Variants in SGCZ observed in about 807,000 individuals in gnomAD.
SGCZ encodes the protein sarcoglycan zeta.
In SGCZ, 40 loss-of-function variants were observed where a neutral mutation model predicts 41.3. The ratio of observed to expected loss-of-function variants is 0.97; its 90% CI spans 0.75 to 1.26. The LOEUF is 1.26. Ranked by LOEUF, SGCZ falls within the 50% of genes most tolerant of loss-of-function variation. The pLI is 0.00. For synonymous variants in SGCZ, 206 were observed against 137.5 expected (o/e 1.50, Z -3.49); for missense variants, 552 against 369.8 (o/e 1.49, Z -4.04).
rs548716281 is a variant in SGCZ at position 15,040,055 on chromosome 8, T to C, written c.39+197530A>G. Among the ~76,000 whole-genome samples, 3 of 152,310 alleles carry C rather than the reference T, an allele frequency of 2.0e-5. No individual in the cohort carries two copies. In the South Asian group the frequency reaches 6.2e-4, roughly 32 times the overall value. ...TTTTGAAAATGCAAACTTAATGTCATACAGATAAAAGGATTTCTCTATTCA... is the reference window on the plus strand; with the variant it reads ...TTTTGAAAATGCAAACTTAATGTCACACAGATAAAAGGATTTCTCTATTCA... On this transcript the variant is annotated intron_variant, in intron 1 of 7. Coordinates refer to ENST00000382080, the MANE Select transcript of SGCZ (RefSeq NM_139167.4).
intron 2 of SGCZ, among the ~76,000 whole-genome samples, chr8:14,371,397 A>G (rs1803904387): frequency 6.6e-6 from 1 of 152,132 alleles, no homozygotes; most frequent in Admixed American, 6.6e-5. Flanking sequence ...TTCCGGTATT[A>G]GCAATAACCT....
At chr8:14,253,813 T>C (rs566878238) in intron 3 of SGCZ, among the ~76,000 whole-genome samples, 191 of 152,210 alleles carry the variant, frequency 1.3e-3, no homozygotes, top group African/African-American at 4.5e-3. Context: ...TAATAAACAT[T>C]AGCAAATATT....
intron 2 of SGCZ, among the ~76,000 whole-genome samples, chr8:14,550,409 G>T (rs1176574410): frequency 6.6e-6 from 1 of 150,772 alleles, no homozygotes; most frequent in African/African-American, 2.4e-5. Flanking sequence ...ATAAATAAAA[G>T]CAGGAAAAGT....
chr8:15,217,578 C>T (rs1485679096), intron 1 of SGCZ, among the ~76,000 whole-genome samples: 2 of 152,114 alleles, frequency 1.3e-5, no homozygotes, highest in East Asian at 3.9e-4. Flanking sequence ...ATTCTTGCCC[C>T]CCCTTGTCCC....
chr8:14,923,084 T>G (rs184989565), intron 1 of SGCZ, among the ~76,000 whole-genome samples: 8 of 152,166 alleles, frequency 5.3e-5, no homozygotes, highest in African/African-American at 1.9e-4. Context: ...AAACTGAAAT[T>G]TTACAGCTAG....
rs145287949 is a variant in SGCZ at position 15,090,596 on chromosome 8, A to G, written c.39+146989T>C. Among the ~76,000 whole-genome samples the G allele has an allele frequency of 2.0e-4, 30 of 152,314 alleles. No homozygotes were observed. In the East Asian group the frequency reaches 4.8e-3, roughly 24 times the overall value. On this transcript the variant is annotated intron_variant, in intron 1 of 7. Coordinates refer to ENST00000382080, the MANE Select transcript of SGCZ (RefSeq NM_139167.4). ...AGGAAGAAACCTATGCTCTCATGTT[A>G]GTAATTAAGATGAAGATTAAGAGCC...
intron 4 of SGCZ, among the ~76,000 whole-genome samples, chr8:14,221,052 T>C (rs895199791): frequency 6.6e-6 from 1 of 151,440 alleles, no homozygotes; most frequent in African/African-American, 2.4e-5. Flanking sequence ...CAAGTAGAGG[T>C]AACTCATGAA....
intron 3 of SGCZ, among the ~76,000 whole-genome samples, chr8:14,323,374 C>T (rs1801993622): frequency 6.6e-6 from 1 of 151,856 alleles, no homozygotes; most frequent in African/African-American, 2.4e-5. Context: ...ACACAATTTC[C>T]ATTACTTCTC....
intron 1 of SGCZ, among the ~76,000 whole-genome samples, chr8:14,661,526 C>A (rs1459187860): frequency 6.6e-6 from 1 of 152,124 alleles, no homozygotes; most frequent in Non-Finnish European, 1.5e-5. Context: ...AACATTGAGG[C>A]ATGAACATAT....
In SGCZ at chr8:15,221,737, C is replaced by CT. The variant is rs1352334481; in HGVS notation, c.39+15847dup. Among the ~76,000 whole-genome samples, 31 of 152,122 alleles carry CT rather than the reference C, an allele frequency of 2.0e-4. No individual in the cohort carries two copies. In the South Asian group the frequency reaches 5.2e-3, roughly 25 times the overall value. Reference sequence around the variant, plus strand: ...GCCCGAAACCTAAGTCCATTTTACACTTTTTTTTAAACAAAATTTAACTCA... The same window carrying CT: ...GCCCGAAACCTAAGTCCATTTTACACTTTTTTTTTAAACAAAATTTAACTCA... On this transcript the variant is annotated intron_variant, in intron 1 of 7. Transcript: ENST00000382080.
At chr8:15,029,295 A>C (rs531057937) in intron 1 of SGCZ, among the ~76,000 whole-genome samples, 6 of 152,188 alleles carry the variant, frequency 3.9e-5, no homozygotes, top group African/African-American at 1.4e-4. Flanking sequence ...AGTGGATTTT[A>C]TATATAGAAA....
chr8:14,672,754 T>C (rs1425862782), intron 1 of SGCZ, among the ~76,000 whole-genome samples: 2 of 152,170 alleles, frequency 1.3e-5, no homozygotes, highest in African/African-American at 4.8e-5. Flanking sequence ...TCTTTAACAC[T>C]ACCTTTACTT....
intron 5 of SGCZ, among the ~76,000 whole-genome samples, chr8:14,161,527 A>T (rs1804045397): frequency 6.6e-6 from 1 of 152,224 alleles, no homozygotes. Flanking sequence ...ATTGATTACC[A>T]ATATTCACCC....
In SGCZ at chr8:14,729,662, A is replaced by G. The variant is rs575634627; in HGVS notation, c.40-174736T>C. Reference sequence around the variant, plus strand: ...GCGTTAAAAATCAATCAATCAATCAATCAATCAATCAATCAATCTGTTGTT... The same window carrying G: ...GCGTTAAAAATCAATCAATCAATCAGTCAATCAATCAATCAATCTGTTGTT... On this transcript the variant is annotated intron_variant, in intron 1 of 7. Transcript: ENST00000382080. 9.2e-5 allele frequency among the ~76,000 whole-genome samples: 14 copies of G among 152,116 alleles called. 1 individual carries two copies. The South Asian group carries it at 2.7e-3, about 29-fold the overall frequency.
intron 2 of SGCZ, among the ~76,000 whole-genome samples, chr8:14,375,147 T>C (rs145289830): frequency 2.0e-4 from 29 of 141,824 alleles, no homozygotes; most frequent in Middle Eastern, 3.7e-3. Context: ...GACAGACAGA[T>C]AGATATTTGG....
intron 3 of SGCZ, among the ~76,000 whole-genome samples, chr8:14,250,541 C>T (rs571967130): frequency 1.5e-4 from 23 of 152,220 alleles, no homozygotes; most frequent in African/African-American, 4.1e-4. Context: ...TGCTAGCCTC[C>T]CCACCTGAGG....
chr8:14,313,296 C>G (rs1229964891), intron 3 of SGCZ, among the ~76,000 whole-genome samples: 2 of 151,974 alleles, frequency 1.3e-5, no homozygotes, highest in Non-Finnish European at 2.9e-5. Context: ...TGTCTGCTAC[C>G]CCAGGGCTGA....
At chr8:14,172,858 T>C (rs1414564404) in intron 4 of SGCZ, among the ~76,000 whole-genome samples, 7 of 152,102 alleles carry the variant, frequency 4.6e-5, no homozygotes, top group African/African-American at 1.7e-4. Context: ...CTTCAATCTT[T>C]GTAAAAAGGC....
chr8:14,824,208 G>C (rs1437812741), intron 1 of SGCZ, among the ~76,000 whole-genome samples: 2 of 151,988 alleles, frequency 1.3e-5, no homozygotes, highest in East Asian at 1.9e-4. Context: ...ATATTTAACA[G>C]TAAAAATTAT....
Sources: allele counts gnomAD v4.1 joint callset (sites outside exome capture counted in the v4.1 genomes callset), GRCh38; gene constraint gnomAD v4.1.1; transcripts MANE v1.5; gene names NCBI Gene and HGNC (gene_info 2026-07-23, HGNC 2026-07-21).